NFIA: variants seen among roughly 807,000 people sequenced by gnomAD.
The protein encoded by NFIA is nuclear factor I A, also known as nuclear factor 1 A-type.
A neutral mutation model predicts 62.8 loss-of-function variants in NFIA; 8 were observed. The observed-to-expected ratio is 0.13, with a 90% CI of 0.07 to 0.23. NFIA has a LOEUF of 0.23. NFIA is among the 10% of genes least tolerant of loss of function. NFIA has a pLI of 1.00. For missense variants in NFIA, 410 were observed against 642.1 expected, an observed-to-expected ratio of 0.64 and a Z score of 3.91; for synonymous variants, 235 against 238.1, an observed-to-expected ratio of 0.99 and a Z score of 0.12.
chr1:61,196,954 G>A (rs1033544296), intron 2 of NFIA, among the ~76,000 whole-genome samples: 1 of 151,308 alleles, frequency 6.6e-6, no homozygotes, highest in Non-Finnish European at 1.5e-5. Context: ...CGCGCGCGCT[G>A]TGTGTGTGTG....
intron 3 of NFIA, 77 bp downstream of exon 3, chr1:61,277,662 G>A: frequency 6.8e-7 from 1 of 1,467,884 alleles, no homozygotes; most frequent in African/African-American, 1.4e-5. Flanking sequence ...GTGAGGATTT[G>A]GGGGCCTACC....
chr1:61,144,240 C>T (rs765074883), intron 2 of NFIA, among the ~76,000 whole-genome samples: 6 of 152,056 alleles, frequency 3.9e-5, no homozygotes, highest in Non-Finnish European at 5.9e-5. Context: ...CCCCGACTTA[C>T]TCAGTGAGAA....
chr1:61,166,325 A>G (rs1649561757), intron 2 of NFIA, among the ~76,000 whole-genome samples: 1 of 152,142 alleles, frequency 6.6e-6, no homozygotes, highest in African/African-American at 2.4e-5. Context: ...TTCCTTGATG[A>G]GGATGCCAAG....
chr1:61,299,107 A>G (rs1659353211), intron 3 of NFIA, among the ~76,000 whole-genome samples: 1 of 152,188 alleles, frequency 6.6e-6, no homozygotes, highest in South Asian at 2.1e-4. Context: ...CAGTGAGTTT[A>G]TAGAAGCTAA....
At chr1:61,107,292 T>A (rs1414492123) in intron 2 of NFIA, among the ~76,000 whole-genome samples, 5 of 151,740 alleles carry the variant, frequency 3.3e-5, no homozygotes, top group Non-Finnish European at 7.4e-5. Context: ...GATCACTCGC[T>A]GTAGCAGTAT....
At chr1:61,123,178 A>G (rs947037612) in intron 2 of NFIA, among the ~76,000 whole-genome samples, 1 of 152,144 alleles carries the variant, frequency 6.6e-6, no homozygotes, top group African/African-American at 2.4e-5. Flanking sequence ...TCATTTTTCT[A>G]ATGGAGACAA....
At chr1:61,114,731 A>G (rs991607620) in intron 2 of NFIA, among the ~76,000 whole-genome samples, 2 of 152,122 alleles carry the variant, frequency 1.3e-5, no homozygotes, top group African/African-American at 4.8e-5. Flanking sequence ...AAGTTTGGAC[A>G]TGGTATGCAT....
intron 5 of NFIA, among the ~76,000 whole-genome samples, chr1:61,357,491 G>T (rs6697762): frequency 0.83 from 125,708 of 152,080 alleles, 52,065 homozygotes; most frequent in East Asian, 0.95. Flanking sequence ...ATCAGCTGTA[G>T]AGCAGCCCTG....
At chr1:61,365,321 C>G (rs1663529889) in intron 6 of NFIA, among the ~76,000 whole-genome samples, 2 of 152,078 alleles carry the variant, frequency 1.3e-5, no homozygotes, top group African/African-American at 2.4e-5. Context: ...TTTTTTGTTC[C>G]TTTAGGTGGG....
intron 2 of NFIA, among the ~76,000 whole-genome samples, chr1:61,150,171 G>A (rs1341374971): frequency 6.6e-6 from 1 of 152,190 alleles, no homozygotes; most frequent in Non-Finnish European, 1.5e-5. Context: ...GCACTGACCC[G>A]TGAGTTATTC....
intron 2 of NFIA, among the ~76,000 whole-genome samples, chr1:61,141,759 A>G (rs1036191767): frequency 3.3e-5 from 5 of 152,216 alleles, no homozygotes; most frequent in Admixed American, 2.6e-4. Flanking sequence ...TCATTAACAC[A>G]GCGATCATGC....
At chr1:61,390,212 A>G (rs1408216079) in intron 7 of NFIA, among the ~76,000 whole-genome samples, 2 of 152,222 alleles carry the variant, frequency 1.3e-5, no homozygotes, top group Non-Finnish European at 2.9e-5. Flanking sequence ...TTGCCTTCGC[A>G]TTATGGGCAT....
chr1:61,115,377 G>C (rs1646778185), intron 2 of NFIA, among the ~76,000 whole-genome samples: 1 of 152,346 alleles, frequency 6.6e-6, no homozygotes, highest in East Asian at 1.9e-4. Context: ...TTCCCTTCCA[G>C]ATGTCCCTAG....
At chr1:61,112,989 C>T (rs993232201) in intron 2 of NFIA, among the ~76,000 whole-genome samples, 2 of 152,054 alleles carry the variant, frequency 1.3e-5, no homozygotes, top group African/African-American at 4.8e-5. Context: ...TCTAGTGTTT[C>T]ATTAGCCCTA....
intron 6 of NFIA, among the ~76,000 whole-genome samples, chr1:61,382,967 A>C (rs1223834433): frequency 1.3e-5 from 2 of 152,282 alleles, no homozygotes; most frequent in East Asian, 3.9e-4. Context: ...GAAAAGTTGA[A>C]CCCTGTATTA....
chr1:61,233,130 G>A (rs1347366863), intron 2 of NFIA, among the ~76,000 whole-genome samples: 3 of 151,998 alleles, frequency 2.0e-5, no homozygotes, highest in Non-Finnish European at 2.9e-5. Flanking sequence ...GCCTTTCACA[G>A]ACATTGATTC....
chr1:61,276,949 A>G (rs1213421386), intron 2 of NFIA, among the ~76,000 whole-genome samples: 1 of 152,230 alleles, frequency 6.6e-6, no homozygotes, highest in Non-Finnish European at 1.5e-5. Flanking sequence ...TTGTACCTTC[A>G]GAAAGACTTC....
chr1:61,135,960 A>T (rs549687409), intron 2 of NFIA, among the ~76,000 whole-genome samples: 1 of 152,334 alleles, frequency 6.6e-6, no homozygotes, highest in South Asian at 2.1e-4. Context: ...TATTGAAAAA[A>T]ATCAGAACCC....
intron 3 of NFIA, among the ~76,000 whole-genome samples, chr1:61,328,952 AC>A (rs1661121232): frequency 1.3e-5 from 2 of 149,420 alleles, no homozygotes; most frequent in Admixed American, 1.3e-4. Flanking sequence ...TGAACTCCTG[AC>A]CTCAAACGAT....
Sources: allele counts gnomAD v4.1 joint callset (sites outside exome capture counted in the v4.1 genomes callset), GRCh38; gene constraint gnomAD v4.1.1; transcripts MANE v1.5; gene names NCBI Gene and HGNC (gene_info 2026-07-23, HGNC 2026-07-21).